LRP2: variants seen among roughly 807,000 people sequenced by gnomAD.
LRP2 encodes the protein LDL receptor related protein 2.
A neutral mutation model predicts 531.0 loss-of-function variants in LRP2; 172 were observed. The ratio of observed to expected loss-of-function variants is 0.32; its 90% CI spans 0.29 to 0.37. The LOEUF (loss-of-function observed/expected upper bound fraction) is 0.37. LRP2 is among the 10% of genes least tolerant of loss of function. LRP2 has a pLI of 1.00. For missense variants in LRP2, 5,167 were observed against 5,868.3 expected (o/e 0.88, Z 3.90); for synonymous variants, 1,992 against 2,027.6 (o/e 0.98, Z 0.47).
chr2:169,207,328 C>T, intron 38 of LRP2, 78 bp from the exon 39 acceptor site: 2 of 991,956 alleles, frequency 2.0e-6, no homozygotes, highest in Admixed American at 3.8e-5. Flanking sequence ...AAATTCAGAA[C>T]AAAATATATA....
At chr2:169,165,095 T>C (rs780345829) in intron 62 of LRP2, among the ~76,000 whole-genome samples, 1 of 152,208 alleles carries the variant, frequency 6.6e-6, no homozygotes, top group Non-Finnish European at 1.5e-5. Context: ...GACAGTCTCC[T>C]CTGGGATGGG....
At chr2:169,168,699 A>C in intron 60 of LRP2, 23 bp from the exon 61 acceptor site, 1 of 1,613,712 alleles carries the variant, frequency 6.2e-7, no homozygotes, top group Non-Finnish European at 8.5e-7. Flanking sequence ...AAAAAAACAT[A>C]TTCAAATTAT....
At position 169,216,294 on chromosome 2, in the gene LRP2, C is replaced by T. The variant is rs201170625; in HGVS notation, c.5785G>A (p.Glu1929Lys). The T allele has an allele frequency of 1.1e-5, 17 of 1,613,556 alleles. No homozygotes were observed. Among genetic ancestry groups the T allele is most frequent in the South Asian group, 3.3e-5 (3 of 91,076 alleles). ...EHLECVTLDI[E>K]EQKLYWAVTG... ...ACTGCCCAGTAGAGTTTCTGCTCTT[C>T]GATGTCAAGAGTGACACACTCCAGG... The change falls in exon 35 of 79, where the codon GAA becomes AAA. Residue 1929 changes from glutamate (E) to lysine (K), a missense_variant. Physicochemically the swap from Glu to Lys is moderately conservative, Grantham distance 56. This residue lies in a region of LRP2 where 2,811 missense variants were observed against 3,058.0 expected (regional missense o/e 0.92). Coordinates refer to ENST00000649046, the MANE Select transcript of LRP2 (RefSeq NM_004525.3).
At chr2:169,264,517 T>G (rs564312002) in intron 16 of LRP2, among the ~76,000 whole-genome samples, 1 of 152,118 alleles carries the variant, frequency 6.6e-6, no homozygotes, top group East Asian at 1.9e-4. Flanking sequence ...AATAGCAGAT[T>G]GACAAACCAA....
chr2:169,168,388 G>A (rs750912007), intron 61 of LRP2, 151 bp downstream of exon 61: 2 of 907,276 alleles, frequency 2.2e-6, no homozygotes, highest in Non-Finnish European at 3.6e-6. Context: ...AACTGAAGCT[G>A]GAAGACCCAG....
At chr2:169,204,408 G>A in intron 41 of LRP2, 137 bp from the exon 42 acceptor site, 1 of 806,674 alleles carries the variant, frequency 1.2e-6, no homozygotes, top group Non-Finnish European at 2.1e-6. Context: ...TATGGCAGCT[G>A]GAAATGTTTC....
At position 169,241,420 on chromosome 2, in the gene LRP2, T is replaced by C. The variant is rs116483740; in HGVS notation, c.3668-55A>G. ...TGTGAATGTAATTTGTGATCCCTTT[T>C]ATAGTCTAGACTCAGAGGAAATGAT... On this transcript the variant is annotated intron_variant, in intron 24 of 78. Transcript: ENST00000649046. 6.7e-3 allele frequency: 10,626 copies of C among 1,596,860 alleles called. 123 individuals carry two copies. The highest frequency in any genetic ancestry group is 0.036 in the Middle Eastern group (218 of 6,036).
intron 60 of LRP2, among the ~76,000 whole-genome samples, 187 bp downstream of exon 60, chr2:169,169,515 T>C (rs1686913439): frequency 6.6e-6 from 1 of 152,256 alleles, no homozygotes; most frequent in Non-Finnish European, 1.5e-5. Flanking sequence ...GGAAGTACAC[T>C]TGAACGGCCA....
At chr2:169,142,834 T>A in intron 70 of LRP2, 41 bp from the exon 71 acceptor site, 5 of 1,610,766 alleles carry the variant, frequency 3.1e-6, no homozygotes, top group Non-Finnish European at 4.2e-6. Flanking sequence ...CCTGACAGAA[T>A]GAATAACCTG....
At chr2:169,148,949 C>T (rs1416213866) in intron 68 of LRP2, among the ~76,000 whole-genome samples, 1 of 152,166 alleles carries the variant, frequency 6.6e-6, no homozygotes, top group African/African-American at 2.4e-5. Flanking sequence ...CCAGTGGATC[C>T]CAACCTTCAA....
intron 25 of LRP2, among the ~76,000 whole-genome samples, chr2:169,240,557 T>C (rs1357518992): frequency 1.3e-5 from 2 of 152,188 alleles, no homozygotes; most frequent in African/African-American, 4.8e-5. Context: ...AAGAAAGAAA[T>C]GACAGTAATT....
At chr2:169,129,131 T>C in intron 77 of LRP2, 47 bp from the exon 78 acceptor site, 1 of 1,341,832 alleles carries the variant, frequency 7.5e-7, no homozygotes, top group Non-Finnish European at 1.1e-6. Flanking sequence ...TGGAATTATT[T>C]TGTGGGTTTC....
chr2:169,203,302 A>T (rs1350542173), intron 42 of LRP2, among the ~76,000 whole-genome samples: 1 of 152,224 alleles, frequency 6.6e-6, no homozygotes, highest in East Asian at 1.9e-4. Context: ...CCCACCCGCA[A>T]ATATCACCAG....
At chr2:169,282,457 G>T (rs1683730581) in intron 10 of LRP2, among the ~76,000 whole-genome samples, 1 of 152,166 alleles carries the variant, frequency 6.6e-6, no homozygotes, top group South Asian at 2.1e-4. Flanking sequence ...TGTCCATTTG[G>T]AAATATCCCT....
intron 1 of LRP2, among the ~76,000 whole-genome samples, chr2:169,325,367 C>T (rs1421042122): frequency 6.6e-6 from 1 of 152,202 alleles, no homozygotes; most frequent in Non-Finnish European, 1.5e-5. Flanking sequence ...TCCACCTTCA[C>T]TGAACTCAAA....
chr2:169,289,989 G>A (rs1272456774), intron 8 of LRP2, among the ~76,000 whole-genome samples: 1 of 152,086 alleles, frequency 6.6e-6, no homozygotes, highest in Non-Finnish European at 1.5e-5. Flanking sequence ...GGCACTTCTA[G>A]GCAATCACAA....
intron 19 of LRP2, 41 bp from the exon 20 acceptor site, chr2:169,247,556 C>T (rs1559039180): frequency 1.2e-6 from 2 of 1,608,770 alleles, no homozygotes; most frequent in South Asian, 2.2e-5. Flanking sequence ...TCAGTCACAG[C>T]TAACTTATAA....
At chr2:169,332,706 A>C (rs1223276545) in intron 1 of LRP2, among the ~76,000 whole-genome samples, 1 of 152,216 alleles carries the variant, frequency 6.6e-6, no homozygotes, top group East Asian at 1.9e-4. Flanking sequence ...GAAAGTAGAG[A>C]TCAGGTATAT....
intron 9 of LRP2, among the ~76,000 whole-genome samples, chr2:169,286,418 T>C (rs903533363): frequency 6.6e-6 from 1 of 152,230 alleles, no homozygotes; most frequent in Non-Finnish European, 1.5e-5. Context: ...TTATTAATTG[T>C]GGTATCTTCT....
Sources: allele counts gnomAD v4.1 joint callset (sites outside exome capture counted in the v4.1 genomes callset), GRCh38; gene constraint gnomAD v4.1.1; regional missense constraint gnomAD v4.1.1; transcripts MANE v1.5; gene names NCBI Gene and HGNC (gene_info 2026-07-23, HGNC 2026-07-21).